Variants in ELFN2 observed in about 807,000 individuals in gnomAD.
The protein encoded by ELFN2 is extracellular leucine rich repeat and fibronectin type III domain containing 2, also known as protein phosphatase 1 regulatory subunit 29.
ELFN2 carries 17 observed loss-of-function variants against 45.5 expected under a neutral mutation model. The ratio of observed to expected loss-of-function variants is 0.37; its 90% CI spans 0.26 to 0.56. The LOEUF (loss-of-function observed/expected upper bound fraction) is 0.56. Ranked by LOEUF, ELFN2 falls within the 20% of genes least tolerant of loss-of-function variation. ELFN2 has a pLI of 0.77. For synonymous variants in ELFN2, 550 were observed against 551.5 expected (o/e 1.00, Z 0.04); for missense variants, 922 against 1,183.2 (o/e 0.78, Z 3.24).
intron 2 of ELFN2, among the ~76,000 whole-genome samples, chr22:37,379,998 G>C (rs562578359): frequency 7.9e-4 from 120 of 152,288 alleles, no homozygotes; most frequent in South Asian, 6.2e-3. Flanking sequence ...GTTAATGGGG[G>C]TTTTATAGTT....
chr22:37,416,190 T>G (rs902602339), intron 2 of ELFN2, among the ~76,000 whole-genome samples: 1 of 152,160 alleles, frequency 6.6e-6, no homozygotes, highest in Admixed American at 6.5e-5. Flanking sequence ...CAGCTTCCTG[T>G]TTTTAGTAAT....
At chr22:37,350,397 C>T (rs928269123) in intron 1 of ELFN2, among the ~76,000 whole-genome samples, 4 of 150,532 alleles carry the variant, frequency 2.7e-5, no homozygotes, top group Non-Finnish European at 6.0e-5. Flanking sequence ...CAGACACTGT[C>T]GGGCGGCTGC....
chr22:37,346,754 C>T (rs946653002), intron 1 of ELFN2, among the ~76,000 whole-genome samples: 1 of 152,116 alleles, frequency 6.6e-6, no homozygotes, highest in Non-Finnish European at 1.5e-5. Context: ...ACACCACATG[C>T]AGCACACAAC....
At chr22:37,415,689 G>A (rs116039508) in intron 2 of ELFN2, among the ~76,000 whole-genome samples, 72 of 152,320 alleles carry the variant, frequency 4.7e-4, no homozygotes, top group African/African-American at 1.6e-3. Context: ...TGGGCCAGGC[G>A]CGGTGGCTCA....
At chr22:37,366,603 G>C (rs569470226), downstream of ELFN2, among the ~76,000 whole-genome samples, 2 of 152,236 alleles carry the variant, frequency 1.3e-5, no homozygotes, top group African/African-American at 4.8e-5. Flanking sequence ...GGTTGGGTCC[G>C]GGGACCATAG....
At chr22:37,422,880 C>T (rs1932819174) in intron 1 of ELFN2, among the ~76,000 whole-genome samples, 1 of 150,840 alleles carries the variant, frequency 6.6e-6, no homozygotes, top group Non-Finnish European at 1.5e-5. Flanking sequence ...CAGGTGTGAG[C>T]CACCACGCCC....
intron 1 of ELFN2, among the ~76,000 whole-genome samples, chr22:37,426,282 G>A (rs1205746662): frequency 1.3e-5 from 2 of 151,938 alleles, no homozygotes; most frequent in East Asian, 1.9e-4. Flanking sequence ...CCTTGGGCAC[G>A]CCTGACACAC....
At chr22:37,383,886 G>T (rs1931859669) in intron 2 of ELFN2, among the ~76,000 whole-genome samples, 1 of 152,190 alleles carries the variant, frequency 6.6e-6, no homozygotes, top group African/African-American at 2.4e-5. Flanking sequence ...GCCAAAGAAG[G>T]GGCATGGGGC....
intron 2 of ELFN2, among the ~76,000 whole-genome samples, chr22:37,382,334 T>C (rs1931807554): frequency 6.6e-6 from 1 of 152,050 alleles, no homozygotes; most frequent in African/African-American, 2.4e-5. Flanking sequence ...CGCCTCTGCC[T>C]CCCAGGTTCA....
At chr22:37,381,424 A>G (rs1325373140) in intron 2 of ELFN2, among the ~76,000 whole-genome samples, 1 of 151,784 alleles carries the variant, frequency 6.6e-6, no homozygotes, top group Admixed American at 6.6e-5. Flanking sequence ...GTGCTCCTCA[A>G]ACCCCTAGGC....
intron 1 of ELFN2, chr22:37,354,901 G>A (rs1930913495): frequency 6.6e-6 from 1 of 152,132 alleles, no homozygotes; most frequent in African/African-American, 2.4e-5. Flanking sequence ...TGGGGGTAAG[G>A]TTGCCACAGT....
rs57441286 is a variant in ELFN2 at position 37,409,223 on chromosome 22, C to A, written c.-463+8546G>T. Among the ~76,000 whole-genome samples, 204 of 152,326 alleles carry A rather than the reference C, an allele frequency of 1.3e-3. 1 individual carries two copies. The highest frequency in any genetic ancestry group is 4.7e-3 in the African/African-American group (196 of 41,576). The stretch of plus-strand genomic sequence containing the variant: ...CTGTGCCTGGCACTCGCCTACCCGG[C>A]CCCACCCCCAGCTCCGGAAGGCCCG... On this transcript the variant is annotated intron_variant, in intron 2 of 2. Transcript: ENST00000402918.
intron 2 of ELFN2, among the ~76,000 whole-genome samples, chr22:37,387,651 G>A (rs1191989544): frequency 1.8e-4 from 28 of 152,026 alleles, no homozygotes; most frequent in Admixed American, 1.8e-3. Flanking sequence ...CTTCTTCCTG[G>A]GCTGGGGACC....
At position 37,372,343 on chromosome 22, in the gene ELFN2, GA is replaced by G. The variant is rs1237619750; in HGVS notation, c.*728del. 1 of 152,314 alleles carries G rather than the reference GA, an allele frequency of 6.6e-6. No homozygotes were observed. The highest frequency in any genetic ancestry group is 1.5e-5 in the Non-Finnish European group (1 of 68,048). The allele number at this position is 152,314 out of a possible 1,614,324, so 9.4% of individuals were successfully genotyped here. On this transcript the variant is annotated 3_prime_UTR_variant, in exon 3 of 3. Transcript: ENST00000402918. This position sits in a 1 kb window ranked among gnomAD's most constrained non-coding sequence, Gnocchi z 4.4. The stretch of plus-strand genomic sequence containing the variant: ...GGGGCACTGCCATGTGGCTTTCTAG[GA>G]AGAAAAAGCACCTGCCTGATTCCCA...
At chr22:37,396,083 C>T (rs1932206985) in intron 2 of ELFN2, among the ~76,000 whole-genome samples, 1 of 152,234 alleles carries the variant, frequency 6.6e-6, no homozygotes, top group African/African-American at 2.4e-5. Flanking sequence ...ATCCGATGAG[C>T]ACCTAGCCTA....
chr22:37,373,542 C>A lies in ELFN2; in HGVS notation c.1993G>T (p.Glu665Ter). ...GGGCTGTTGAGGGGGCTGCCCTTCT[C>A]GATGTACTTGGAGTCGCCCTTAGCC... ...GLAKGDSKYI[E>*]KGSPLNSPLD... Residue 665 changes from glutamate to a stop codon, truncating the protein, a stop_gained, in exon 3 of 3, where the codon GAG (glutamate) becomes TAG (stop). Coordinates refer to ENST00000402918, the MANE Select transcript of ELFN2 (RefSeq NM_052906.5). LOFTEE classifies it high-confidence loss of function. 6.3e-7 allele frequency: 1 copy of A among 1,588,838 alleles called. No homozygotes were observed. The highest frequency in any genetic ancestry group is 8.6e-7 in the Non-Finnish European group (1 of 1,169,448).
intron 2 of ELFN2, among the ~76,000 whole-genome samples, chr22:37,416,910 C>G (rs953805830): frequency 6.6e-6 from 1 of 152,182 alleles, no homozygotes; most frequent in Admixed American, 6.5e-5. Context: ...TGGGGACCAC[C>G]GCACCTTGGA....
At chr22:37,351,372 T>C (rs995089722) in intron 1 of ELFN2, among the ~76,000 whole-genome samples, 2 of 149,990 alleles carry the variant, frequency 1.3e-5, no homozygotes, top group African/African-American at 4.9e-5. Context: ...AGCTGGAAAA[T>C]TGGGTGTCCA....
Position 37,373,743 on chromosome 22 carries a change from G to A in ELFN2, c.1792C>T (p.Arg598Trp), listed in dbSNP as rs747077460. 17 of 1,565,414 alleles carry A rather than the reference G, an allele frequency of 1.1e-5. No homozygotes were observed. Among genetic ancestry groups the A allele is most frequent in the South Asian group, 3.6e-5 (3 of 83,122 alleles). ...SSATGPGALE[R>W]PSFLSPPYKE... ...TAGGGAGGCGAAAGGAAGCTGGGCC[G>A]CTCCAGGGCCCCGGGGCCAGTGGCT... The change falls in exon 3 of 3, where the codon CGG (arginine) becomes TGG (tryptophan). Residue 598 changes from arginine to tryptophan, a missense_variant. By Grantham distance (101) the Arg-to-Trp change is moderately radical. This residue lies in a region of ELFN2 where 564 missense variants were observed against 642.8 expected (regional missense o/e 0.88). Transcript: ENST00000402918.
Sources: allele counts gnomAD v4.1 joint callset (sites outside exome capture counted in the v4.1 genomes callset), GRCh38; gene constraint gnomAD v4.1.1; regional missense constraint gnomAD v4.1.1; non-coding constraint Gnocchi (gnomAD v3.1); transcripts MANE v1.5; gene names NCBI Gene and HGNC (gene_info 2026-07-23, HGNC 2026-07-21).